Variants in STAG1 observed in about 807,000 individuals in gnomAD.
STAG1 encodes the protein STAG1 cohesin complex component, also known as cohesin subunit SA-1.
In STAG1, 26 loss-of-function variants were observed where a neutral mutation model predicts 170.9. The ratio of observed to expected loss-of-function variants is 0.15; its 90% CI spans 0.11 to 0.21. The LOEUF is 0.21. STAG1 is among the 10% of genes least tolerant of loss of function. The pLI is 1.00. For missense variants in STAG1, 964 were observed against 1,509.5 expected (o/e 0.64, Z 5.99); for synonymous variants, 514 against 497.7 (o/e 1.03, Z -0.44).
intron 15 of STAG1, among the ~76,000 whole-genome samples, chr3:136,435,716 C>A (rs779456430): frequency 2.6e-5 from 4 of 152,058 alleles, no homozygotes; most frequent in Non-Finnish European, 5.9e-5. Context: ...GTCACCCAGG[C>A]TGGAGTGCAG....
intron 21 of STAG1, among the ~76,000 whole-genome samples, chr3:136,401,166 G>A (rs1165754030): frequency 2.6e-5 from 4 of 152,102 alleles, no homozygotes; most frequent in Non-Finnish European, 5.9e-5. Context: ...TTGACTTCAT[G>A]GACCTCTCCT....
At chr3:136,382,702 C>T (rs908782694) in intron 22 of STAG1, among the ~76,000 whole-genome samples, 10 of 152,100 alleles carry the variant, frequency 6.6e-5, no homozygotes, top group Admixed American at 1.3e-4. Flanking sequence ...TGAGCCACCA[C>T]GCCTGGCCAG....
intron 15 of STAG1, among the ~76,000 whole-genome samples, chr3:136,436,026 C>T (rs146064855): frequency 6.6e-6 from 1 of 151,658 alleles, no homozygotes; most frequent in Admixed American, 6.6e-5. Flanking sequence ...GGCGTGATCT[C>T]AGCTCACTGC....
chr3:136,498,755 A>C (rs888063630), intron 9 of STAG1, among the ~76,000 whole-genome samples: 3 of 152,164 alleles, frequency 2.0e-5, no homozygotes, highest in Non-Finnish European at 4.4e-5. Flanking sequence ...TTTTTAAAAC[A>C]AATATATCAA....
chr3:136,413,373 A>G (rs2087682845), intron 21 of STAG1, among the ~76,000 whole-genome samples: 2 of 149,800 alleles, frequency 1.3e-5, no homozygotes, highest in African/African-American at 4.9e-5. Context: ...AATTTTCTGT[A>G]ACATGTCTAT....
intron 6 of STAG1, among the ~76,000 whole-genome samples, 157 bp downstream of exon 6, chr3:136,541,962 T>C (rs1206831500): frequency 1.3e-5 from 2 of 152,176 alleles, no homozygotes; most frequent in African/African-American, 4.8e-5. Flanking sequence ...CCAAAGATCA[T>C]TAATTTTGGA....
rs755737634 is a variant in STAG1 at position 136,377,725 on chromosome 3, C to G, written c.2305G>C (p.Val769Leu). Reference sequence around the variant, plus strand: ...TGGCAAACAGCCAAAAAGGATTTCACCGTTTTCCTCAATACCAACAAATCC... The same window carrying G: ...TGGCAAACAGCCAAAAAGGATTTCAGCGTTTTCCTCAATACCAACAAATCC... The part of the protein sequence containing the change: ...KEDLLVLRKT[V>L]KSFLAVCQQC... The change falls in exon 23 of 34, where the codon GTG becomes CTG. Residue 769 changes from valine (V) to leucine (L), a missense_variant. Physicochemically the swap from Val to Leu is conservative, Grantham distance 32. Around this residue, in one of 11 missense-constraint regions of STAG1, gnomAD observed 232 missense variants for 313.0 expected, o/e 0.74. Transcript: ENST00000383202. 6.2e-7 allele frequency: 1 copy of G among 1,614,030 alleles called. No individual in the cohort carries two copies. The highest frequency in any genetic ancestry group is 1.1e-5 in the South Asian group (1 of 91,074).
chr3:136,467,723 A>G (rs1435555276), intron 12 of STAG1, among the ~76,000 whole-genome samples: 1 of 152,172 alleles, frequency 6.6e-6, no homozygotes, highest in Non-Finnish European at 1.5e-5. Context: ...TCAGCACCAC[A>G]TCACACTTAT....
At chr3:136,691,918 T>C (rs1440894348) in intron 1 of STAG1, among the ~76,000 whole-genome samples, 1 of 152,144 alleles carries the variant, frequency 6.6e-6, no homozygotes, top group African/African-American at 2.4e-5. Context: ...GGACTTTCAG[T>C]ACAGTCCTGA....
chr3:136,529,875 A>G (rs1935282440), intron 6 of STAG1, among the ~76,000 whole-genome samples: 1 of 152,238 alleles, frequency 6.6e-6, no homozygotes, highest in South Asian at 2.1e-4. Context: ...GACAGGAACA[A>G]AGGGTCACAT....
chr3:136,714,286 GA>G (rs1035373452), intron 1 of STAG1, among the ~76,000 whole-genome samples: 3 of 152,154 alleles, frequency 2.0e-5, no homozygotes, highest in African/African-American at 7.2e-5. Context: ...CTTAGGGTGT[GA>G]AAATATTTTT....
chr3:136,623,505 T>A (rs1289260658), intron 2 of STAG1, among the ~76,000 whole-genome samples: 3 of 152,034 alleles, frequency 2.0e-5, no homozygotes. Context: ...TATACAAAAA[T>A]AAATGCAAAA....
chr3:136,357,868 C>T lies in STAG1; in HGVS notation c.2937-20G>A, dbSNP rs752504952. 3 of 1,577,250 alleles carry T rather than the reference C, an allele frequency of 1.9e-6. No individual in the cohort carries two copies. The highest frequency in any genetic ancestry group is 4.5e-5 in the East Asian group (2 of 44,152). ...CCATCCCTGAAGTAAAAGAAAATAT[C>T]AACTTATTTTTCCAGATAGTGTAAT... On this transcript the variant is annotated intron_variant, in intron 27 of 33. Coordinates refer to ENST00000383202, the MANE Select transcript of STAG1 (RefSeq NM_005862.3).
rs1365759889 is a variant in STAG1, at chr3:136,672,777, A to C, written c.-83-41796T>G. On this transcript the variant is annotated intron_variant, in intron 1 of 33. Transcript: ENST00000383202. ...GTGCCAGTCAAAAGAAGATACAGAG[A>C]ATTCATACAGCAGGTAAAGTTCATA... Among the ~76,000 whole-genome samples the C allele has an allele frequency of 2.0e-5, 3 of 152,232 alleles. No individual in the cohort carries two copies. The East Asian group carries it at 5.8e-4, about 29-fold the overall frequency.
At chr3:136,411,831 A>C (rs2087631627) in intron 21 of STAG1, among the ~76,000 whole-genome samples, 1 of 151,904 alleles carries the variant, frequency 6.6e-6, no homozygotes, top group Non-Finnish European at 1.5e-5. Context: ...CTGTAATCCC[A>C]GCTACTTGGG....
chr3:136,498,211 TA>T (rs1933234487), intron 9 of STAG1, among the ~76,000 whole-genome samples: 2 of 3,484 alleles, frequency 5.7e-4, no homozygotes, highest in African/African-American at 3.1e-3. Context: ...AAAAAAAAAT[TA>T]TATATATATA....
intron 12 of STAG1, among the ~76,000 whole-genome samples, chr3:136,470,286 C>CAAGT (rs892663483): frequency 1.3e-5 from 2 of 152,114 alleles, no homozygotes; most frequent in African/African-American, 4.8e-5. Context: ...AACAAATTTA[C>CAAGT]AAGAGAAAAA....
At chr3:136,715,495 C>T (rs1465182869) in intron 1 of STAG1, among the ~76,000 whole-genome samples, 1 of 151,962 alleles carries the variant, frequency 6.6e-6, no homozygotes, top group African/African-American at 2.4e-5. Flanking sequence ...TGGTACACAC[C>T]TGTAGTGCCA....
chr3:136,400,381 G>A (rs2087288343), intron 21 of STAG1, among the ~76,000 whole-genome samples: 2 of 151,604 alleles, frequency 1.3e-5, no homozygotes, highest in Admixed American at 1.3e-4. Context: ...GCACACGCCT[G>A]ACTAATTTTT....
Sources: allele counts gnomAD v4.1 joint callset (sites outside exome capture counted in the v4.1 genomes callset), GRCh38; gene constraint gnomAD v4.1.1; regional missense constraint gnomAD v4.1.1; transcripts MANE v1.5; gene names NCBI Gene and HGNC (gene_info 2026-07-23, HGNC 2026-07-21).